The following ZNF131 variants were observed in gnomAD, a reference collection of about 807,000 sequenced individuals.
ZNF131 encodes zinc finger and BTB domain containing 35, also known as zinc finger protein 131.
A neutral mutation model predicts 60.0 loss-of-function variants in ZNF131; 7 were observed. The observed-to-expected ratio is 0.12, with a 90% CI of 0.07 to 0.22. The LOEUF (loss-of-function observed/expected upper bound fraction) is 0.22. ZNF131 is among the 10% of genes least tolerant of loss of function. The pLI is 1.00. For synonymous variants in ZNF131, 257 were observed against 253.2 expected (o/e 1.01, Z -0.14); for missense variants, 493 against 740.9 (o/e 0.67, Z 3.88).
intron 5 of ZNF131, among the ~76,000 whole-genome samples, chr5:43,165,483 G>A (rs932662135): frequency 1.3e-5 from 2 of 152,158 alleles, no homozygotes; most frequent in Non-Finnish European, 2.9e-5. Context: ...TAATCTCCTT[G>A]TACCTCTCCC....
At chr5:43,147,707 C>T (rs1388472096) in intron 4 of ZNF131, among the ~76,000 whole-genome samples, 8 of 149,864 alleles carry the variant, frequency 5.3e-5, no homozygotes, top group Non-Finnish European at 1.2e-4. Flanking sequence ...AGGCGTGAGC[C>T]ACCGCGCCCG....
At position 43,175,474 on chromosome 5, in the gene ZNF131, T is replaced by C. The variant is rs764504022; in HGVS notation, c.*341T>C. On this transcript the variant is annotated 3_prime_UTR_variant, in exon 7 of 7. Coordinates refer to ENST00000682664, the MANE Select transcript of ZNF131 (RefSeq NM_001330707.2). ...TTCCCAGGTCATGTTCTTCCTCAAATTTTTTCCATATTGTAAAATCAAACT... is the reference window on the plus strand; with the variant it reads ...TTCCCAGGTCATGTTCTTCCTCAAACTTTTTCCATATTGTAAAATCAAACT... 2.0e-5 allele frequency: 14 copies of C among 699,242 alleles called. No homozygotes were observed. The highest frequency in any genetic ancestry group is 2.6e-4 in the Middle Eastern group (1 of 3,840). The allele number at this position is 699,242 out of a possible 1,614,324, so 43.3% of individuals were successfully genotyped here.
In ZNF131 at chr5:43,175,399, G is replaced by C; in HGVS notation, c.*266G>C. The C allele has an allele frequency of 2.9e-6, 2 of 692,244 alleles. No homozygotes were observed. The highest frequency in any genetic ancestry group is 5.2e-6 in the Non-Finnish European group (2 of 383,408). The allele number at this position is 692,244 out of a possible 1,614,324, so 42.9% of individuals were successfully genotyped here. A position where few individuals can be genotyped will look rare whatever the true frequency, so the allele number is the denominator to read the frequency against. ...TGGATTATATTCTTATTATATAGTT[G>C]GGTACGAATGTATCTATTTTCATTG... On this transcript the variant is annotated 3_prime_UTR_variant, in exon 7 of 7. Coordinates refer to ENST00000682664, the MANE Select transcript of ZNF131 (RefSeq NM_001330707.2).
intron 3 of ZNF131, 105 bp from the exon 4 acceptor site, chr5:43,139,060 A>G (rs1378539217): frequency 6.8e-6 from 7 of 1,024,438 alleles, no homozygotes; most frequent in Non-Finnish European, 9.2e-6. Flanking sequence ...GTTTTCAAAA[A>G]TAAATACTCA....
chr5:43,121,920 C>T (rs1266783834), intron 1 of ZNF131, 119 bp from the exon 2 acceptor site: 1 of 1,151,966 alleles, frequency 8.7e-7, no homozygotes, highest in Non-Finnish European at 1.2e-6. Context: ...TCTCCTCTTG[C>T]TTCACCCTCC....
chr5:43,150,737 A>G (rs371581776), intron 4 of ZNF131, among the ~76,000 whole-genome samples: 182 of 152,282 alleles, frequency 1.2e-3, no homozygotes, highest in African/African-American at 4.2e-3. Context: ...AGATCGCGCC[A>G]TTGCACTCTG....
rs187126639 is a variant in ZNF131, at chr5:43,128,818, A to G, written c.226+5508A>G. Among the ~76,000 whole-genome samples, 310 of 152,108 alleles carry G rather than the reference A, an allele frequency of 2.0e-3. 1 individual carries two copies. Among genetic ancestry groups the G allele is most frequent in the African/African-American group, 7.0e-3 (292 of 41,522 alleles). On this transcript the variant is annotated intron_variant, in intron 3 of 6. Coordinates refer to ENST00000682664, the MANE Select transcript of ZNF131 (RefSeq NM_001330707.2). ...CCAGGCTGGAGTGCAGTGTACCATC[A>G]TGGCTCATTGCAACCTTGACCTCCT...
At chr5:43,168,870 G>C (rs867655297) in intron 5 of ZNF131, among the ~76,000 whole-genome samples, 9 of 152,198 alleles carry the variant, frequency 5.9e-5, no homozygotes, top group Non-Finnish European at 1.3e-4. Flanking sequence ...GAGTAAAAGA[G>C]CTGGTGACTC....
chr5:43,162,912 A>G lies in ZNF131; in HGVS notation c.1054+981A>G, dbSNP rs1270008539. On this transcript the variant is annotated intron_variant, in intron 5 of 6. Coordinates refer to ENST00000682664, the MANE Select transcript of ZNF131 (RefSeq NM_001330707.2). The stretch of plus-strand genomic sequence containing the variant: ...AAGGGCAAAACTCTGTCTCAAGGGA[A>G]AAAAAAAAAAAAAAAAGCAATCCCT... Among the ~76,000 whole-genome samples, 532 of 65,158 alleles carry G rather than the reference A, an allele frequency of 8.2e-3. 4 individuals carry two copies. The highest frequency in any genetic ancestry group is 0.01 in the Non-Finnish European group (277 of 26,778). 42.7% of individuals were successfully genotyped at this position (65,158 alleles called of 152,430 possible). A position where few individuals can be genotyped will look rare whatever the true frequency, so the allele number is the denominator to read the frequency against.
intron 3 of ZNF131, among the ~76,000 whole-genome samples, chr5:43,129,657 TTTTG>T (rs755272089): frequency 4.7e-4 from 71 of 152,116 alleles, no homozygotes; most frequent in Middle Eastern, 6.8e-3. Flanking sequence ...CTTCTGTGTT[TTTTG>T]TTTGTTTGTT....
intron 4 of ZNF131, among the ~76,000 whole-genome samples, chr5:43,147,315 C>G (rs1440269648): frequency 2.0e-5 from 3 of 152,034 alleles, no homozygotes; most frequent in African/African-American, 7.2e-5. Context: ...TCTTAGTAAA[C>G]ATCTACAAGT....
chr5:43,135,645 C>T (rs920552612), intron 3 of ZNF131, among the ~76,000 whole-genome samples: 4 of 151,820 alleles, frequency 2.6e-5, no homozygotes, highest in South Asian at 2.1e-4. Context: ...CCCAGCTATT[C>T]GGGAGGCTGA....
chr5:43,131,798 T>C (rs1393958222), intron 3 of ZNF131, among the ~76,000 whole-genome samples: 1 of 141,584 alleles, frequency 7.1e-6, no homozygotes, highest in Non-Finnish European at 1.5e-5. Context: ...TAGGCATATG[T>C]GCGTATGTAC....
intron 3 of ZNF131, among the ~76,000 whole-genome samples, chr5:43,133,149 T>C (rs1745582870): frequency 6.6e-6 from 1 of 152,162 alleles, no homozygotes; most frequent in Non-Finnish European, 1.5e-5. Flanking sequence ...GTCAAAAGTA[T>C]CAATGATAAA....
At chr5:43,151,120 A>G (rs1291524125) in intron 4 of ZNF131, among the ~76,000 whole-genome samples, 1 of 152,206 alleles carries the variant, frequency 6.6e-6, no homozygotes, top group African/African-American at 2.4e-5. Context: ...TTTCATTCAT[A>G]ATAAACCTGG....
At chr5:43,122,424 C>T (rs1005186555) in intron 2 of ZNF131, among the ~76,000 whole-genome samples, 15 of 152,168 alleles carry the variant, frequency 9.9e-5, no homozygotes, top group Non-Finnish European at 1.8e-4. Flanking sequence ...ATTTTAACTT[C>T]TTACATCCTG....
At position 43,161,857 on chromosome 5, in the gene ZNF131, T is replaced by C. The variant is rs1241966624; in HGVS notation, c.980T>C (p.Ile327Thr). The C allele has an allele frequency of 3.7e-6, 6 of 1,614,036 alleles. No homozygotes were observed. Among genetic ancestry groups the C allele is most frequent in the Non-Finnish European group, 4.2e-6 (5 of 1,180,010 alleles). Residue 327 changes from isoleucine (I) to threonine (T), a missense_variant, in exon 5 of 7, where the codon ATT (isoleucine) becomes ACT (threonine). By Grantham distance (89) the Ile-to-Thr change is moderately conservative (BLOSUM62 -1). Around this residue, in one of 7 missense-constraint regions of ZNF131, gnomAD observed 22 missense variants for 26.7 expected, o/e 0.82. Transcript: ENST00000682664. Reference sequence around the variant, plus strand: ...AAGAAGCAAAGAACTGGGAAAAAAATTCATGTATGTCAGTACTGTGAGAAA... The same window carrying C: ...AAGAAGCAAAGAACTGGGAAAAAAACTCATGTATGTCAGTACTGTGAGAAA... Reference protein sequence around the residue: ...VSKKQRTGKKIHVCQYCEKQF... With the variant: ...VSKKQRTGKKTHVCQYCEKQF...
chr5:43,146,489 T>G (rs1327442314), intron 4 of ZNF131, among the ~76,000 whole-genome samples: 1 of 152,020 alleles, frequency 6.6e-6, no homozygotes, highest in African/African-American at 2.4e-5. Context: ...CTCTGGAGGC[T>G]GAGGCTGAGG....
At chr5:43,132,670 C>T (rs1745516481) in intron 3 of ZNF131, among the ~76,000 whole-genome samples, 1 of 151,966 alleles carries the variant, frequency 6.6e-6, no homozygotes, top group Non-Finnish European at 1.5e-5. Flanking sequence ...GTAACCACAC[C>T]CGGCTAATTT....
Sources: gnomAD v4.1 joint callset for allele counts (sites outside exome capture counted in the v4.1 genomes callset) on GRCh38, gnomAD v4.1.1 for gene constraint, gnomAD v4.1.1 regional missense constraint, MANE v1.5 for transcripts, NCBI Gene and HGNC (gene_info 2026-07-23, HGNC 2026-07-21) for gene names.